MYCBP2: variants seen among roughly 807,000 people sequenced by gnomAD.
The protein encoded by MYCBP2 is E3 ubiquitin-protein ligase MYCBP2.
A neutral mutation model predicts 525.3 loss-of-function variants in MYCBP2; 120 were observed. The observed-to-expected ratio is 0.23, with a 90% CI of 0.20 to 0.27. The LOEUF is 0.27. MYCBP2 is among the 10% of genes least tolerant of loss of function. The pLI is 1.00. For synonymous variants in MYCBP2, 1,894 were observed against 1,955.8 expected, an observed-to-expected ratio of 0.97 and a Z score of 0.83; for missense variants, 4,149 against 5,657.1, an observed-to-expected ratio of 0.73 and a Z score of 8.55.
chr13:77,070,543 C>G, intron 69 of MYCBP2, 88 bp downstream of exon 69: 1 of 927,954 alleles, frequency 1.1e-6, no homozygotes, highest in African/African-American at 1.7e-5. Flanking sequence ...TGCTTTATAC[C>G]CTAATAACAA....
At chr13:77,079,610 C>T (rs1353834206) in intron 65 of MYCBP2, among the ~76,000 whole-genome samples, 4 of 152,090 alleles carry the variant, frequency 2.6e-5, no homozygotes, top group Non-Finnish European at 4.4e-5. Context: ...CATGGAGGTA[C>T]ATAACTCAAG....
intron 65 of MYCBP2, among the ~76,000 whole-genome samples, chr13:77,079,313 T>C (rs773527935): frequency 6.6e-6 from 1 of 152,184 alleles, no homozygotes; most frequent in Non-Finnish European, 1.5e-5. Flanking sequence ...CAGACTTCCT[T>C]ACAGATTTGA....
In MYCBP2 at chr13:77,098,081, G is replaced by T; in HGVS notation, c.9073C>A (p.Pro3025Thr). ...PLEPAKQAMS[P>T]SVAECARAVF... Reference sequence around the variant, plus strand: ...GCTCTGGCACATTCGGCCACAGAAGGAGACATGGCTTGCTTGGCTGGCTCT... The same window carrying T: ...GCTCTGGCACATTCGGCCACAGAAGTAGACATGGCTTGCTTGGCTGGCTCT... Residue 3025 changes from proline (P) to threonine (T), a missense_variant, in exon 56 of 83, where the codon CCT becomes ACT. By Grantham distance (38) the Pro-to-Thr change is conservative (BLOSUM62 -1). Around this residue, in one of 21 missense-constraint regions of MYCBP2, gnomAD observed 653 missense variants for 744.7 expected, o/e 0.88. Transcript: ENST00000544440. 1.2e-6 allele frequency: 2 copies of T among 1,613,542 alleles called. No individual in the cohort carries two copies. The highest frequency in any genetic ancestry group is 1.7e-6 in the Non-Finnish European group (2 of 1,179,782).
intron 3 of MYCBP2, among the ~76,000 whole-genome samples, chr13:77,286,176 A>G (rs2076738664): frequency 6.6e-6 from 1 of 152,234 alleles, no homozygotes; most frequent in South Asian, 2.1e-4. Flanking sequence ...AAAATGTGCA[A>G]AAGAACTCAG....
At chr13:77,255,114 C>G (rs185485002) in intron 14 of MYCBP2, among the ~76,000 whole-genome samples, 14 of 151,854 alleles carry the variant, frequency 9.2e-5, no homozygotes, top group Admixed American at 7.9e-4. Flanking sequence ...ATACATATAC[C>G]CAGAAGTGGA....
At chr13:77,115,358 T>C (rs7350694) in intron 55 of MYCBP2, among the ~76,000 whole-genome samples, 147,547 of 151,960 alleles carry the variant, frequency 0.97, 71,696 homozygotes, top group East Asian at 1. Context: ...AACTATATAA[T>C]TAGTTTTTAA....
chr13:77,078,359 T>G (rs987776537), intron 66 of MYCBP2, among the ~76,000 whole-genome samples: 1 of 152,312 alleles, frequency 6.6e-6, no homozygotes, highest in South Asian at 2.1e-4. Context: ...CTCAGACACA[T>G]GCCTAGATAA....
chr13:77,046,297 T>C (rs548993992), intron 82 of MYCBP2, among the ~76,000 whole-genome samples: 1 of 152,344 alleles, frequency 6.6e-6, no homozygotes, highest in South Asian at 2.1e-4. Context: ...AGGCTTATAC[T>C]TGAAAGCAGA....
At chr13:77,088,102 T>A (rs1031432460) in intron 61 of MYCBP2, among the ~76,000 whole-genome samples, 1 of 152,100 alleles carries the variant, frequency 6.6e-6, no homozygotes, top group African/African-American at 2.4e-5. Context: ...ATCTGACCTT[T>A]ATTTCACTGA....
chr13:77,067,257 T>C (rs1229419066), intron 71 of MYCBP2, among the ~76,000 whole-genome samples: 1 of 152,152 alleles, frequency 6.6e-6, no homozygotes, highest in Non-Finnish European at 1.5e-5. Flanking sequence ...TTCCCCCATA[T>C]TTATTTCTTT....
intron 20 of MYCBP2, among the ~76,000 whole-genome samples, chr13:77,224,176 A>G (rs553545993): frequency 3.9e-5 from 6 of 152,328 alleles, no homozygotes; most frequent in African/African-American, 1.2e-4. Context: ...TGCTAAGAAT[A>G]TAGTGATATT....
At chr13:77,085,347 T>C (rs1461053305) in intron 62 of MYCBP2, among the ~76,000 whole-genome samples, 5 of 152,214 alleles carry the variant, frequency 3.3e-5, no homozygotes, top group African/African-American at 4.8e-5. Context: ...ACTTGCTTTA[T>C]GTGTCCAGTA....
At chr13:77,246,529 AAAG>A (rs1313918820) in intron 15 of MYCBP2, among the ~76,000 whole-genome samples, 6 of 150,776 alleles carry the variant, frequency 4.0e-5, no homozygotes, top group Admixed American at 4.0e-4. Context: ...AGAAGGAGGA[AAAG>A]AAGGAGAAGG....
intron 82 of MYCBP2, among the ~76,000 whole-genome samples, chr13:77,050,046 C>T (rs1480267924): frequency 1.3e-5 from 2 of 151,922 alleles, no homozygotes; most frequent in African/African-American, 2.4e-5. Flanking sequence ...ATATTAGCCA[C>T]TACCCTACTG....
chr13:77,115,713 T>C (rs1251612961), intron 55 of MYCBP2, among the ~76,000 whole-genome samples: 1 of 151,252 alleles, frequency 6.6e-6, no homozygotes, highest in Non-Finnish European at 1.5e-5. Flanking sequence ...TTACAGATAA[T>C]AATGCTCATA....
At chr13:77,308,953 C>A (rs1217735325) in intron 1 of MYCBP2, among the ~76,000 whole-genome samples, 1 of 152,194 alleles carries the variant, frequency 6.6e-6, no homozygotes, top group East Asian at 1.9e-4. Context: ...AGTTGCCCTG[C>A]ACACAGGCCA....
chr13:77,231,683 T>C (rs777848152), intron 18 of MYCBP2, among the ~76,000 whole-genome samples: 15 of 152,248 alleles, frequency 9.9e-5, no homozygotes, highest in Admixed American at 7.2e-4. Context: ...GATACTAACA[T>C]GGAGCTGAAA....
chr13:77,326,721 C>T lies in MYCBP2; in HGVS notation c.55G>A (p.Gly19Arg), dbSNP rs990978475. The change falls in exon 1 of 83, where the codon GGG (glycine) becomes AGG (arginine). Residue 19 changes from glycine to arginine, a missense_variant. Transcript: ENST00000544440. This position sits in a 1 kb window ranked among gnomAD's most constrained non-coding sequence, Gnocchi z 4.2. Reference protein sequence around the residue: ...SPAAASSGLGGDGFYPAATFS... With the variant: ...SPAAASSGLGRDGFYPAATFS... ...GTGGCGGCTGGGTAGAATCCGTCCC[C>T]GCCGAGCCCCGAGGAGGCGGCGGCG... 7 of 1,411,628 alleles carry T rather than the reference C, an allele frequency of 5.0e-6. No individual in the cohort carries two copies. Among genetic ancestry groups the T allele is most frequent in the Non-Finnish European group, 6.4e-6 (7 of 1,095,764 alleles). 87.4% of individuals were successfully genotyped at this position (1,411,628 alleles called of 1,614,324 possible). A position where few individuals can be genotyped will look rare whatever the true frequency, so the allele number is the denominator to read the frequency against.
At chr13:77,223,552 A>G (rs751377809) in intron 20 of MYCBP2, among the ~76,000 whole-genome samples, 17 of 152,216 alleles carry the variant, frequency 1.1e-4, no homozygotes, top group Admixed American at 2.0e-4. Context: ...AAGACAAGTA[A>G]GAGGGACTTC....
Sources: gnomAD v4.1 joint callset for allele counts (sites outside exome capture counted in the v4.1 genomes callset) on GRCh38, gnomAD v4.1.1 for gene constraint, gnomAD v4.1.1 regional missense constraint, Gnocchi (gnomAD v3.1) non-coding constraint, MANE v1.5 for transcripts, NCBI Gene and HGNC (gene_info 2026-07-23, HGNC 2026-07-21) for gene names.